The following MCPH1 variants were observed in gnomAD, a reference collection of about 807,000 sequenced individuals.
MCPH1 encodes microcephalin 1.
Under a neutral mutation model 84.5 loss-of-function variants are expected in MCPH1, and 104 were observed. The observed-to-expected ratio is 1.23, with a 90% CI of 1.05 to 1.45. The LOEUF (loss-of-function observed/expected upper bound fraction) is 1.45, where lower values mean the gene tolerates loss of function less well. MCPH1 is among the 40% of genes most tolerant of loss of function. The pLI, the probability that MCPH1 is intolerant of heterozygous loss-of-function variation, is 0.00. For synonymous variants in MCPH1, 514 were observed against 366.8 expected (o/e 1.40, Z -4.58); for missense variants, 1,498 against 1,005.7 (o/e 1.49, Z -6.62).
intron 12 of MCPH1, among the ~76,000 whole-genome samples, chr8:6,577,870 T>C (rs10090364): frequency 0.015 from 2,276 of 152,342 alleles, 62 homozygotes; most frequent in African/African-American, 0.052. Flanking sequence ...AGAGCTGAAT[T>C]AATCCAGAAT....
intron 12 of MCPH1, chr8:6,509,049 C>G (rs1397851873): frequency 6.2e-7 from 1 of 1,614,010 alleles, no homozygotes; most frequent in Non-Finnish European, 8.5e-7. Flanking sequence ...CCTGTAAGTC[C>G]TTTAAGGTGA....
At chr8:6,412,564 C>T (rs566188837) in intron 2 of MCPH1, among the ~76,000 whole-genome samples, 1 of 152,332 alleles carries the variant, frequency 6.6e-6, no homozygotes, top group African/African-American at 2.4e-5. Context: ...ATTATAACTT[C>T]TGATTCACCC....
chr8:6,587,836 A>G (rs1280318155), intron 12 of MCPH1, among the ~76,000 whole-genome samples: 3 of 152,342 alleles, frequency 2.0e-5, no homozygotes, highest in African/African-American at 4.8e-5. Context: ...CCAAAAGCAC[A>G]TGGAGGAGAT....
intron 12 of MCPH1, among the ~76,000 whole-genome samples, chr8:6,582,423 G>A (rs1036605502): frequency 2.0e-5 from 3 of 152,152 alleles, no homozygotes; most frequent in Non-Finnish European, 4.4e-5. Context: ...ACCCAAGTCT[G>A]ACTCCAAAGT....
chr8:6,517,617 T>C (rs1412215669), intron 12 of MCPH1, among the ~76,000 whole-genome samples: 1 of 152,200 alleles, frequency 6.6e-6, no homozygotes, highest in Non-Finnish European at 1.5e-5. Flanking sequence ...CTGGTAGTCT[T>C]TGAAGGCAGT....
intron 13 of MCPH1, chr8:6,625,134 C>T: frequency 5.2e-6 from 5 of 959,194 alleles, no homozygotes; most frequent in Non-Finnish European, 6.2e-6. Flanking sequence ...CTCGGCCTCC[C>T]AAAGTGCTGG....
chr8:6,457,390 G>GCCTGGCCAACGTGGCAAAAC (rs1805806915), intron 9 of MCPH1, among the ~76,000 whole-genome samples: 1 of 151,996 alleles, frequency 6.6e-6, no homozygotes, highest in Non-Finnish European at 1.5e-5. Flanking sequence ...TTCGAGACCA[G>GCCTGGCCAACGTGGCAAAAC]CCTGGCCAAC....
At chr8:6,445,741 A>G in intron 8 of MCPH1, 194 bp downstream of exon 8, 1 of 1,387,692 alleles carries the variant, frequency 7.2e-7, no homozygotes, top group Non-Finnish European at 9.3e-7. Context: ...TGGAACTTCT[A>G]GACTTATTGG....
chr8:6,613,160 C>T (rs1201131941), intron 12 of MCPH1, among the ~76,000 whole-genome samples: 2 of 152,178 alleles, frequency 1.3e-5, no homozygotes, highest in Non-Finnish European at 2.9e-5. Context: ...AAGCAGGAGA[C>T]ATCTCTGTTA....
rs76163703 is a variant in MCPH1 at position 6,620,595 on chromosome 8, G to A, written c.2215-859G>A. Among the ~76,000 whole-genome samples the A allele has an allele frequency of 1.2e-3, 180 of 152,274 alleles. 3 individuals carry two copies. In the East Asian group the frequency reaches 0.032, roughly 27 times the overall value. Reference sequence around the variant, plus strand: ...ACATCCCCTCAAATCTCTAATTTGTGTGAACCATTAATTTCAGATATTGTA... The same window carrying A: ...ACATCCCCTCAAATCTCTAATTTGTATGAACCATTAATTTCAGATATTGTA... On this transcript the variant is annotated intron_variant, in intron 12 of 13. Coordinates refer to ENST00000344683, the MANE Select transcript of MCPH1 (RefSeq NM_024596.5).
intron 12 of MCPH1, among the ~76,000 whole-genome samples, chr8:6,588,570 T>A (rs891607811): frequency 6.6e-6 from 1 of 152,186 alleles, no homozygotes; most frequent in African/African-American, 2.4e-5. Flanking sequence ...GTAAGTCTGG[T>A]TGAACCAGCA....
At chr8:6,513,262 A>C (rs1192784489) in intron 12 of MCPH1, among the ~76,000 whole-genome samples, 1 of 152,152 alleles carries the variant, frequency 6.6e-6, no homozygotes, top group African/African-American at 2.4e-5. Flanking sequence ...GATCTTGGTT[A>C]AATCATTGTG....
chr8:6,445,755 A>T (rs1804261609), intron 8 of MCPH1: 1 of 1,363,128 alleles, frequency 7.3e-7, no homozygotes, highest in African/African-American at 1.5e-5. Context: ...TTATTGGTTA[A>T]GTCTGTTAGG....
chr8:6,429,412 C>G (rs1317841016), intron 3 of MCPH1, among the ~76,000 whole-genome samples: 1 of 152,124 alleles, frequency 6.6e-6, no homozygotes, highest in Non-Finnish European at 1.5e-5. Context: ...GCCCCCTGCC[C>G]CACCCCAGAC....
At chr8:6,583,890 G>A (rs551944961) in intron 12 of MCPH1, among the ~76,000 whole-genome samples, 3 of 79,036 alleles carry the variant, frequency 3.8e-5, no homozygotes, top group South Asian at 8.9e-4. Flanking sequence ...TTGGCATTTT[G>A]TACCTACCTT....
At chr8:6,626,481 T>G (rs1437901734) in intron 13 of MCPH1, 4 of 983,412 alleles carry the variant, frequency 4.1e-6, no homozygotes, top group African/African-American at 1.8e-5. Context: ...TTTGTTTTTT[T>G]TTTTTTTTTT....
chr8:6,482,559 T>G (rs765886495), intron 11 of MCPH1, among the ~76,000 whole-genome samples: 1 of 152,264 alleles, frequency 6.6e-6, no homozygotes, highest in Non-Finnish European at 1.5e-5. Flanking sequence ...AAAAATGTTA[T>G]TTCTAAGGAT....
chr8:6,504,482 G>A lies in MCPH1; in HGVS notation c.2214+4553G>A, dbSNP rs1812874770. 2.6e-5 allele frequency among the ~76,000 whole-genome samples: 4 copies of A among 152,210 alleles called. No individual in the cohort carries two copies. In the South Asian group the frequency reaches 8.3e-4, roughly 32 times the overall value. On this transcript the variant is annotated intron_variant, in intron 12 of 13. Coordinates refer to ENST00000344683, the MANE Select transcript of MCPH1 (RefSeq NM_024596.5). The stretch of plus-strand genomic sequence containing the variant: ...CATCCGGTCTCCTGATCACTTAGTA[G>A]CTGTCTTGGTTATTAGATCGATTGT...
At chr8:6,573,772 C>T (rs137951328) in intron 12 of MCPH1, among the ~76,000 whole-genome samples, 1 of 152,338 alleles carries the variant, frequency 6.6e-6, no homozygotes, top group Admixed American at 6.5e-5. Context: ...CCAGAGCAGA[C>T]AAGAAAACAT....
Sources: gnomAD v4.1 joint callset for allele counts (sites outside exome capture counted in the v4.1 genomes callset) on GRCh38, gnomAD v4.1.1 for gene constraint, MANE v1.5 for transcripts, NCBI Gene and HGNC (gene_info 2026-07-23, HGNC 2026-07-21) for gene names.